The following SPRED1 variants were observed in gnomAD, a reference collection of about 807,000 sequenced individuals.
The protein encoded by SPRED1 is sprouty-related, EVH1 domain-containing protein 1.
SPRED1 carries 18 observed loss-of-function variants against 52.3 expected under a neutral mutation model. The observed-to-expected ratio is 0.34, with a 90% confidence interval of 0.24 to 0.51. The LOEUF (loss-of-function observed/expected upper bound fraction) is 0.51, where lower values mean the gene tolerates loss of function less well. Ranked by LOEUF, SPRED1 falls within the 20% of genes least tolerant of loss-of-function variation. The pLI is 0.97. For missense variants in SPRED1, 485 were observed against 551.0 expected, an observed-to-expected ratio of 0.88 and a Z score of 1.20; for synonymous variants, 155 against 179.7, an observed-to-expected ratio of 0.86 and a Z score of 1.10.
At chr15:38,282,200 A>G (rs1011424436) in intron 1 of SPRED1, among the ~76,000 whole-genome samples, 2 of 151,972 alleles carry the variant, frequency 1.3e-5, no homozygotes, top group African/African-American at 4.8e-5. Flanking sequence ...TCTGGCCAGA[A>G]TCGGTGGCTC....
At chr15:38,308,091 A>T (rs1895288464) in intron 2 of SPRED1, among the ~76,000 whole-genome samples, 1 of 152,184 alleles carries the variant, frequency 6.6e-6, no homozygotes, top group Non-Finnish European at 1.5e-5. Context: ...GTCCTTTACC[A>T]TGATAAGGAA....
At chr15:38,345,956 T>G (rs1368854036) in intron 5 of SPRED1, among the ~76,000 whole-genome samples, 3 of 152,212 alleles carry the variant, frequency 2.0e-5, no homozygotes, top group African/African-American at 7.2e-5. Context: ...AATTGTCAAC[T>G]ACGCTAGTTT....
intron 4 of SPRED1, among the ~76,000 whole-genome samples, chr15:38,336,234 T>C (rs1022665626): frequency 6.6e-6 from 1 of 151,716 alleles, no homozygotes; most frequent in East Asian, 1.9e-4. Context: ...TGTTTCTTTT[T>C]ACTATTTAAA....
At chr15:38,262,285 G>A (rs539411798) in intron 1 of SPRED1, among the ~76,000 whole-genome samples, 97 of 152,272 alleles carry the variant, frequency 6.4e-4, no homozygotes, top group Non-Finnish European at 1.1e-3. Flanking sequence ...CTTTAAAATC[G>A]CTATCACAGT....
At chr15:38,345,326 T>C (rs190247681) in intron 5 of SPRED1, among the ~76,000 whole-genome samples, 18 of 152,220 alleles carry the variant, frequency 1.2e-4, no homozygotes, top group Non-Finnish European at 2.6e-4. Context: ...AATAGGTCTT[T>C]ATGAGATCAT....
chr15:38,351,566 A>G lies in SPRED1; in HGVS notation c.1237A>G (p.Ile413Val). 6.2e-7 allele frequency: 1 copy of G among 1,614,112 alleles called. No individual in the cohort carries two copies. Among genetic ancestry groups the G allele is most frequent in the East Asian group, 2.2e-5 (1 of 44,888 alleles). Residue 413 changes from isoleucine to valine, a missense_variant, in exon 7 of 7, where the codon ATT becomes GTT. Ile to Val is a conservative substitution (Grantham distance 29). This residue lies in a region of SPRED1 where 205 missense variants were observed against 245.2 expected (regional missense o/e 0.84). Transcript: ENST00000299084. Reference sequence around the variant, plus strand: ...GTTAGCCCTGGTAGCTTTGTCTTTCATTGTACCATGTATGTGCTGCTACGT... The same window carrying G: ...GTTAGCCCTGGTAGCTTTGTCTTTCGTTGTACCATGTATGTGCTGCTACGT... Reference protein sequence around the residue: ...RWLALVALSFIVPCMCCYVPL... With the variant: ...RWLALVALSFVVPCMCCYVPL...
chr15:38,316,931 T>A (rs1012669797), intron 2 of SPRED1, among the ~76,000 whole-genome samples: 1 of 151,724 alleles, frequency 6.6e-6, no homozygotes, highest in Non-Finnish European at 1.5e-5. Flanking sequence ...TTTGGCATCA[T>A]ATTCTTTATA....
rs1400603535 is a variant in SPRED1, at chr15:38,356,619, T to C, written c.*4955T>C. 1 of 152,136 alleles carries C rather than the reference T, an allele frequency of 6.6e-6. No homozygotes were observed. The highest frequency in any genetic ancestry group is 1.5e-5 in the Non-Finnish European group (1 of 67,966). The allele number at this position is 152,136 out of a possible 1,614,324, so 9.4% of individuals were successfully genotyped here. On this transcript the variant is annotated 3_prime_UTR_variant, in exon 7 of 7. Transcript: ENST00000299084. ...ATAGTTCATCTTAATAACATATTTA[T>C]TCATCCTTAATTGTATTCAGATTTT...
At chr15:38,326,183 G>A (rs1214030832) in intron 4 of SPRED1, 2 of 152,252 alleles carry the variant, frequency 1.3e-5, no homozygotes, top group Non-Finnish European at 2.9e-5. Flanking sequence ...TGTTTATTTA[G>A]TGGCTGAAAG....
intron 1 of SPRED1, among the ~76,000 whole-genome samples, chr15:38,272,572 G>A (rs899077327): frequency 6.6e-6 from 1 of 152,064 alleles, no homozygotes; most frequent in South Asian, 2.1e-4. Flanking sequence ...GCCCGACCTC[G>A]AATGGTAGTT....
chr15:38,315,909 T>C (rs1053583203), intron 2 of SPRED1, among the ~76,000 whole-genome samples: 1 of 152,164 alleles, frequency 6.6e-6, no homozygotes. Context: ...TTGAATACTT[T>C]ATTAGTTCAT....
At chr15:38,334,285 A>C (rs911653629) in intron 4 of SPRED1, among the ~76,000 whole-genome samples, 1 of 152,070 alleles carries the variant, frequency 6.6e-6, no homozygotes, top group South Asian at 2.1e-4. Context: ...TATGACTTCA[A>C]GATAGGGTTT....
chr15:38,254,990 A>T (rs1435529797), intron 1 of SPRED1, among the ~76,000 whole-genome samples: 1 of 152,228 alleles, frequency 6.6e-6, no homozygotes, highest in Non-Finnish European at 1.5e-5. Flanking sequence ...TTACCAGTTT[A>T]ATTTTTTTCT....
chr15:38,345,342 A>G (rs1014284940), intron 5 of SPRED1, among the ~76,000 whole-genome samples: 1 of 152,214 alleles, frequency 6.6e-6, no homozygotes, highest in Non-Finnish European at 1.5e-5. Context: ...ATCATCACTA[A>G]AAGCTAACTT....
intron 1 of SPRED1, among the ~76,000 whole-genome samples, chr15:38,285,405 A>G (rs1247470909): frequency 6.6e-6 from 1 of 152,214 alleles, no homozygotes; most frequent in East Asian, 1.9e-4. Flanking sequence ...AGATGATGGC[A>G]GTAGGAGCAC....
intron 1 of SPRED1, chr15:38,268,277 A>G (rs961281056): frequency 6.6e-6 from 1 of 152,162 alleles, no homozygotes; most frequent in Non-Finnish European, 1.5e-5. Flanking sequence ...TCTTATTTTC[A>G]TGAAATAAGC....
chr15:38,296,901 A>G (rs953196742), intron 1 of SPRED1, among the ~76,000 whole-genome samples: 15 of 152,302 alleles, frequency 9.8e-5, no homozygotes, highest in Middle Eastern at 6.8e-3. Flanking sequence ...TTCTACCTTC[A>G]TGAATGGATT....
Position 38,337,356 on chromosome 15 carries a change from G to A in SPRED1, c.424-2381G>A, listed in dbSNP as rs375417132. Among the ~76,000 whole-genome samples, 23 of 152,208 alleles carry A rather than the reference G, an allele frequency of 1.5e-4. No homozygotes were observed. In the East Asian group the frequency reaches 3.7e-3, roughly 24 times the overall value. On this transcript the variant is annotated intron_variant, in intron 4 of 6. Transcript: ENST00000299084. ...ATTCATGAATAATATATACTTCATT[G>A]TAGATTGTATACTTTGCATTTTCAA...
At chr15:38,265,116 A>G (rs1389164506) in intron 1 of SPRED1, among the ~76,000 whole-genome samples, 1 of 152,212 alleles carries the variant, frequency 6.6e-6, no homozygotes, top group Non-Finnish European at 1.5e-5. Context: ...TAAATTTTAC[A>G]GTTAACCTGG....
Sources: gnomAD v4.1 joint callset for allele counts (sites outside exome capture counted in the v4.1 genomes callset) on GRCh38, gnomAD v4.1.1 for gene constraint, gnomAD v4.1.1 regional missense constraint, MANE v1.5 for transcripts, NCBI Gene and HGNC (gene_info 2026-07-23, HGNC 2026-07-21) for gene names.